NLGN1: variants seen among roughly 807,000 people sequenced by gnomAD.
NLGN1 encodes the protein neuroligin-1.
A neutral mutation model predicts 65.5 loss-of-function variants in NLGN1; 12 were observed. The ratio of observed to expected loss-of-function variants is 0.18; its 90% CI spans 0.12 to 0.30. The LOEUF (loss-of-function observed/expected upper bound fraction) is 0.30. Among genes scored for constraint, NLGN1 ranks in the 10% least tolerant of loss-of-function variants. The probability of loss-of-function intolerance (pLI) is 1.00; values close to 1 mark genes in which losing one functional copy is unlikely to be tolerated. For synonymous variants in NLGN1, 350 were observed against 359.5 expected (o/e 0.97, Z 0.30); for missense variants, 750 against 1,007.1 (o/e 0.74, Z 3.46).
intron 4 of NLGN1, among the ~76,000 whole-genome samples, chr3:174,115,070 A>G (rs1716092989): frequency 1.3e-5 from 2 of 152,142 alleles, no homozygotes; most frequent in African/African-American, 4.8e-5. Flanking sequence ...TGACATCTAA[A>G]ATGGTCCTGG....
intron 4 of NLGN1, among the ~76,000 whole-genome samples, chr3:174,264,007 T>C (rs2152863538): frequency 6.6e-6 from 1 of 151,178 alleles, no homozygotes; most frequent in Non-Finnish European, 1.5e-5. Flanking sequence ...TGTTGAATAT[T>C]GGCCCCCACT....
intron 3 of NLGN1, chr3:173,800,405 C>A: frequency 3.4e-6 from 2 of 590,080 alleles, no homozygotes; most frequent in Non-Finnish European, 5.0e-6. Flanking sequence ...ATCACTTTTT[C>A]CACCCCTTTC....
chr3:173,486,163 G>C (rs146544556), intron 2 of NLGN1, among the ~76,000 whole-genome samples: 1,652 of 152,208 alleles, frequency 0.011, 28 homozygotes, highest in African/African-American at 0.038. Context: ...TCCTGCCTCA[G>C]CCTCCTGAGT....
At chr3:173,708,961 C>T (rs1334487536) in intron 3 of NLGN1, among the ~76,000 whole-genome samples, 1 of 151,952 alleles carries the variant, frequency 6.6e-6, no homozygotes, top group Non-Finnish European at 1.5e-5. Flanking sequence ...ACGTTATTTC[C>T]GTGTGTTGTG....
intron 2 of NLGN1, among the ~76,000 whole-genome samples, chr3:173,467,818 G>A (rs116108931): frequency 6.6e-6 from 1 of 152,072 alleles, no homozygotes; most frequent in African/African-American, 2.4e-5. Flanking sequence ...AGAGATCAAG[G>A]CTTCTTCCAT....
intron 3 of NLGN1, among the ~76,000 whole-genome samples, chr3:173,667,015 G>A (rs1035982403): frequency 6.6e-6 from 1 of 151,958 alleles, no homozygotes; most frequent in African/African-American, 2.4e-5. Context: ...AAGTAAAAAA[G>A]AATAAACATA....
intron 4 of NLGN1, among the ~76,000 whole-genome samples, chr3:174,234,008 A>G (rs1019021925): frequency 5.3e-5 from 8 of 152,054 alleles, no homozygotes; most frequent in African/African-American, 1.9e-4. Flanking sequence ...TTAGTTTTCT[A>G]TAGCTCTTTC....
intron 4 of NLGN1, among the ~76,000 whole-genome samples, chr3:173,866,964 G>A (rs1730297584): frequency 6.6e-6 from 1 of 152,150 alleles, no homozygotes; most frequent in Admixed American, 6.5e-5. Context: ...ATACCATTCA[G>A]AATTGTAAGT....
chr3:174,186,361 T>G (rs2152753544), intron 4 of NLGN1, among the ~76,000 whole-genome samples: 1 of 152,176 alleles, frequency 6.6e-6, no homozygotes, highest in East Asian at 1.9e-4. Context: ...TTCCATTACC[T>G]TAAAAGAGTG....
chr3:173,777,204 C>G (rs1223773280), intron 3 of NLGN1, among the ~76,000 whole-genome samples: 1 of 151,910 alleles, frequency 6.6e-6, no homozygotes, highest in African/African-American at 2.4e-5. Context: ...GTTGTTCTCT[C>G]AGTGCCTGGA....
chr3:174,165,184 T>A (rs1444113147), intron 4 of NLGN1, among the ~76,000 whole-genome samples: 1 of 151,828 alleles, frequency 6.6e-6, no homozygotes, highest in Non-Finnish European at 1.5e-5. Flanking sequence ...ATTATTTGAA[T>A]GCTTTTTCTT....
intron 2 of NLGN1, among the ~76,000 whole-genome samples, chr3:173,567,568 TTTC>T: frequency 6.6e-6 from 1 of 151,818 alleles, no homozygotes; most frequent in East Asian, 1.9e-4. Context: ...TTTTGAATAC[TTTC>T]TTCACTTAAA....
chr3:173,806,856 A>G (rs1716777622), intron 3 of NLGN1, among the ~76,000 whole-genome samples: 1 of 152,182 alleles, frequency 6.6e-6, no homozygotes, highest in African/African-American at 2.4e-5. Context: ...AAATCTTGAC[A>G]CTTTACACTT....
At chr3:173,945,337 G>T (rs1746952265) in intron 4 of NLGN1, among the ~76,000 whole-genome samples, 2 of 151,966 alleles carry the variant, frequency 1.3e-5, no homozygotes, top group African/African-American at 4.8e-5. Flanking sequence ...TTTGATGTGG[G>T]TGTAAACCTA....
chr3:173,435,482 T>C (rs1027494550), intron 2 of NLGN1, among the ~76,000 whole-genome samples: 6 of 152,200 alleles, frequency 3.9e-5, no homozygotes, highest in Admixed American at 6.5e-5. Context: ...GAAAATCTTA[T>C]GTTCACGGAA....
At chr3:173,415,904 T>G (rs56077530) in intron 1 of NLGN1, among the ~76,000 whole-genome samples, 4,691 of 125,384 alleles carry the variant, frequency 0.037, 133 homozygotes, top group South Asian at 0.094. Flanking sequence ...TATATATATA[T>G]AGAGAGAGAG....
intron 3 of NLGN1, among the ~76,000 whole-genome samples, chr3:173,678,229 G>A (rs1763440868): frequency 6.6e-6 from 1 of 152,066 alleles, no homozygotes; most frequent in Non-Finnish European, 1.5e-5. Flanking sequence ...AGTGCTTGCT[G>A]TTTATCTGGA....
chr3:173,422,350 G>A (rs146867848), intron 1 of NLGN1, among the ~76,000 whole-genome samples: 2,567 of 152,194 alleles, frequency 0.017, 70 homozygotes, highest in African/African-American at 0.058. Context: ...GTAGAATGGC[G>A]GTTACCGGAG....
intron 2 of NLGN1, among the ~76,000 whole-genome samples, chr3:173,473,886 G>C (rs1188482028): frequency 6.6e-6 from 1 of 152,112 alleles, no homozygotes; most frequent in Non-Finnish European, 1.5e-5. Context: ...TAATGAGACG[G>C]CAGATTTCCT....
Sources: allele counts gnomAD v4.1 joint callset (sites outside exome capture counted in the v4.1 genomes callset), GRCh38; gene constraint gnomAD v4.1.1; transcripts MANE v1.5; gene names NCBI Gene and HGNC (gene_info 2026-07-23, HGNC 2026-07-21).